DSG1: variants seen among roughly 807,000 people sequenced by gnomAD.
DSG1 encodes desmoglein-1.
A neutral mutation model predicts 97.5 loss-of-function variants in DSG1; 39 were observed. The observed-to-expected ratio is 0.40, with a 90% confidence interval of 0.31 to 0.52. DSG1 has a LOEUF of 0.52. Among genes scored for constraint, DSG1 ranks in the 20% least tolerant of loss-of-function variants. DSG1 has a pLI of 0.53. For missense variants in DSG1, 1,311 were observed against 1,295.4 expected, an observed-to-expected ratio of 1.01 and a Z score of -0.18; for synonymous variants, 475 against 443.4, an observed-to-expected ratio of 1.07 and a Z score of -0.90.
chr18:31,332,186 T>G (rs1371663178), intron 6 of DSG1, among the ~76,000 whole-genome samples: 2 of 152,084 alleles, frequency 1.3e-5, no homozygotes, highest in Admixed American at 6.6e-5. Context: ...CTAAAAAGTG[T>G]GTTCTATAAT....
chr18:31,348,448 T>C (rs1030770473), intron 14 of DSG1, among the ~76,000 whole-genome samples: 3 of 151,714 alleles, frequency 2.0e-5, no homozygotes, highest in Non-Finnish European at 4.4e-5. Flanking sequence ...TGTGTCTTTA[T>C]AGCAGCATGA....
Position 31,358,197 on chromosome 18 carries a change from C to T in DSG1, c.*2851C>T, listed in dbSNP as rs2071974817. On this transcript the variant is annotated 3_prime_UTR_variant, in exon 15 of 15. Transcript: ENST00000257192. ...ACCACAATGTTTATAAAATATCTAT[C>T]TGACTGTCTAAAGAGGTAATCTTTA... Among the ~76,000 whole-genome samples the T allele has an allele frequency of 6.6e-6, 1 of 151,938 alleles. No homozygotes were observed. The highest frequency in any genetic ancestry group is 1.5e-5 in the Non-Finnish European group (1 of 67,872).
In DSG1 at chr18:31,355,132, T is replaced by C. The variant is rs1448531655; in HGVS notation, c.2936T>C (p.Leu979Pro). The change falls in exon 15 of 15, where the codon CTG becomes CCG. Residue 979 changes from leucine (L) to proline (P), a missense_variant. By Grantham distance (98) the Leu-to-Pro change is moderately conservative. Transcript: ENST00000257192. ...AGCGGTGGCATAGGCAGCAGTGGCC[T>C]GGTTGGCACCAGCATGGGTGCTGGG... ...GISGGIGSSG[L>P]VGTSMGAGSG... is the part of the protein sequence containing the mutation. 1 of 1,612,888 alleles carries C rather than the reference T, an allele frequency of 6.2e-7. No homozygotes were observed. Among genetic ancestry groups the C allele is most frequent in the East Asian group, 2.2e-5 (1 of 44,862 alleles).
chr18:31,334,262 T>A, intron 8 of DSG1, 60 bp downstream of exon 8: 1 of 1,207,112 alleles, frequency 8.3e-7, no homozygotes, highest in Non-Finnish European at 1.2e-6. Flanking sequence ...ATGTTAAACT[T>A]AAAATAAAAT....
At position 31,356,961 on chromosome 18, in the gene DSG1, T is replaced by A. The variant is rs890442280; in HGVS notation, c.*1615T>A. ...GAAATTTTTTCTTTCTTAAATACAA[T>A]GTTACTATAAGCTCACTAAAATGAA... On this transcript the variant is annotated 3_prime_UTR_variant, in exon 15 of 15. Transcript: ENST00000257192. 2 of 152,152 alleles carry A rather than the reference T, an allele frequency of 1.3e-5. No homozygotes were observed. The highest frequency in any genetic ancestry group is 2.9e-5 in the Non-Finnish European group (2 of 67,996). 9.4% of individuals were successfully genotyped at this position (152,152 alleles called of 1,614,324 possible).
At chr18:31,320,957 T>G (rs2071649826) in intron 1 of DSG1, among the ~76,000 whole-genome samples, 1 of 152,164 alleles carries the variant, frequency 6.6e-6, no homozygotes, top group East Asian at 1.9e-4. Context: ...GATGTCTTTT[T>G]CTAAAAAGGT....
chr18:31,321,584 A>G (rs544037037), intron 1 of DSG1, among the ~76,000 whole-genome samples: 2 of 152,328 alleles, frequency 1.3e-5, no homozygotes, highest in South Asian at 4.1e-4. Flanking sequence ...AGCATCTTCT[A>G]TCACCTTTAC....
chr18:31,343,342 C>A (rs1273158079), intron 11 of DSG1, 108 bp from the exon 12 acceptor site: 2 of 1,501,208 alleles, frequency 1.3e-6, no homozygotes, highest in East Asian at 2.3e-5. Flanking sequence ...ATTTTAGAAC[C>A]AACCAGAATT....
chr18:31,354,617 A>C lies in DSG1; in HGVS notation c.2421A>C (p.Thr807=), dbSNP rs751877534. ...TCTCCCCACATTTCGGCACTACCAC[A>C]GTAATTTCTGAGAGCACCTATCCCT... ...PPISPHFGTT[T]VISESTYPSG... The change falls in exon 15 of 15, where the codon ACA becomes ACC. Residue 807 remains threonine, a synonymous_variant. Coordinates refer to ENST00000257192, the MANE Select transcript of DSG1 (RefSeq NM_001942.4). The C allele has an allele frequency of 9.9e-6, 16 of 1,614,058 alleles. No individual in the cohort carries two copies. Among genetic ancestry groups the C allele is most frequent in the Non-Finnish European group, 1.3e-5 (15 of 1,180,038 alleles).
chr18:31,351,761 A>C (rs2071898595), intron 14 of DSG1, among the ~76,000 whole-genome samples: 1 of 151,238 alleles, frequency 6.6e-6, no homozygotes, highest in Non-Finnish European at 1.5e-5. Context: ...GTTGGTTTAA[A>C]GTCTGTTTTA....
At chr18:31,322,072 A>G (rs1032656377) in intron 1 of DSG1, among the ~76,000 whole-genome samples, 1 of 152,268 alleles carries the variant, frequency 6.6e-6, no homozygotes, top group Non-Finnish European at 1.5e-5. Flanking sequence ...CTGCTGATCC[A>G]TGCTCTTAAT....
chr18:31,334,642 G>A lies in DSG1; in HGVS notation c.1005+440G>A, dbSNP rs559980793. Among the ~76,000 whole-genome samples, 79 of 151,966 alleles carry A rather than the reference G, an allele frequency of 5.2e-4. 1 individual carries two copies. In the South Asian group the frequency reaches 0.012, roughly 22 times the overall value. ...AAATAAAAATGTATTTATTCCTCCC[G>A]CGTGTTTTCATAAAATTTAAGTTAA... On this transcript the variant is annotated intron_variant, in intron 8 of 14. Coordinates refer to ENST00000257192, the MANE Select transcript of DSG1 (RefSeq NM_001942.4).
Position 31,355,293 on chromosome 18 carries a change from A to T in DSG1, c.3097A>T (p.Ser1033Cys), listed in dbSNP as rs1313725024. Residue 1033 changes from serine (S) to cysteine (C), a missense_variant, in exon 15 of 15, where the codon AGC becomes TGC. Transcript: ENST00000257192. The part of the protein sequence containing the change: ...FNQTIGSASP[S>C]TARSRITKYS... ...CCAAACCATTGGGTCCGCCTCCCCT[A>T]GCACAGCTCGAAGTCGAATCACAAA... 1 of 1,614,204 alleles carries T rather than the reference A, an allele frequency of 6.2e-7. No individual in the cohort carries two copies. The highest frequency in any genetic ancestry group is 1.1e-5 in the South Asian group (1 of 91,086).
chr18:31,329,771 G>A (rs774016622), intron 4 of DSG1, 121 bp from the exon 5 acceptor site: 3 of 1,262,440 alleles, frequency 2.4e-6, no homozygotes, highest in Non-Finnish European at 3.4e-6. Context: ...TAGGGCTTGT[G>A]CCTATGTTCT....
At position 31,355,689 on chromosome 18, in the gene DSG1, G is replaced by A. The variant is rs979206370; in HGVS notation, c.*343G>A. 12 of 288,024 alleles carry A rather than the reference G, an allele frequency of 4.2e-5. No homozygotes were observed. Among genetic ancestry groups the A allele is most frequent in the Non-Finnish European group, 6.0e-5 (9 of 149,636 alleles). The allele number at this position is 288,024 out of a possible 1,614,324, so 17.8% of individuals were successfully genotyped here. On this transcript the variant is annotated 3_prime_UTR_variant, in exon 15 of 15. Transcript: ENST00000257192. The stretch of plus-strand genomic sequence containing the variant: ...TCTGTTTTGCTTTTCCATATAGCTC[G>A]AGCAAAATTCAAAAAGAACTAAATA...
In DSG1 at chr18:31,344,859, G is replaced by T. The variant is rs570880181; in HGVS notation, c.1891+864G>T. Reference sequence around the variant, plus strand: ...TATTGGTTAGCTTATTTTTCTCATAGTCTTTTTAAACAGTAACCATTGTTT... The same window carrying T: ...TATTGGTTAGCTTATTTTTCTCATATTCTTTTTAAACAGTAACCATTGTTT... On this transcript the variant is annotated intron_variant, in intron 13 of 14. Coordinates refer to ENST00000257192, the MANE Select transcript of DSG1 (RefSeq NM_001942.4). Among the ~76,000 whole-genome samples the T allele has an allele frequency of 1.7e-4, 26 of 152,228 alleles. 1 individual carries two copies. Among genetic ancestry groups the T allele is most frequent in the Admixed American group, 1.3e-3 (20 of 15,294 alleles).
At position 31,358,536 on chromosome 18, in the gene DSG1, G is replaced by A. The variant is rs1405980725; in HGVS notation, c.*3190G>A. 6.6e-6 allele frequency among the ~76,000 whole-genome samples: 1 copy of A among 151,898 alleles called. No individual in the cohort carries two copies. Among genetic ancestry groups the A allele is most frequent in the Non-Finnish European group, 1.5e-5 (1 of 67,880 alleles). ...TTCAAAAATTACATTTTTTACTCTAGTAAGTAGATGTTTTTAGTTATCTGG... is the reference window on the plus strand; with the variant it reads ...TTCAAAAATTACATTTTTTACTCTAATAAGTAGATGTTTTTAGTTATCTGG... On this transcript the variant is annotated 3_prime_UTR_variant, in exon 15 of 15. Coordinates refer to ENST00000257192, the MANE Select transcript of DSG1 (RefSeq NM_001942.4).
rs1326282747 is a variant in DSG1 at position 31,354,865 on chromosome 18, C to T, written c.2669C>T (p.Ser890Leu). 12 of 1,614,034 alleles carry T rather than the reference C, an allele frequency of 7.4e-6. No homozygotes were observed. The highest frequency in any genetic ancestry group is 1.0e-5 in the Non-Finnish European group (12 of 1,180,016). Residue 890 changes from serine to leucine, a missense_variant, in exon 15 of 15, where the codon TCG becomes TTG. Coordinates refer to ENST00000257192, the MANE Select transcript of DSG1 (RefSeq NM_001942.4). ...MLEMPDLRDG[S>L]NVIVTERVIA... ...GAGATGCCTGACTTGCGAGATGGGT[C>T]GAATGTTATAGTGACAGAAAGGGTA...
rs180803992 is a variant in DSG1 at position 31,359,011 on chromosome 18, C to G, written c.*3665C>G. ...GTATTTGAATTACTAAATGCTTTAT[C>G]GTCAAACTGTACCTAGTCTAACTTA... On this transcript the variant is annotated 3_prime_UTR_variant, in exon 15 of 15. Transcript: ENST00000257192. 6.6e-5 allele frequency among the ~76,000 whole-genome samples: 10 copies of G among 152,124 alleles called. No homozygotes were observed. The highest frequency in any genetic ancestry group is 3.2e-3 in the Middle Eastern group (1 of 316).
Sources: gnomAD v4.1 joint callset for allele counts (sites outside exome capture counted in the v4.1 genomes callset) on GRCh38, gnomAD v4.1.1 for gene constraint, MANE v1.5 for transcripts, NCBI Gene and HGNC (gene_info 2026-07-23, HGNC 2026-07-21) for gene names.